Variants in PKP4 observed in about 807,000 individuals in gnomAD.
PKP4 encodes plakophilin 4.
In PKP4, 90 loss-of-function variants were observed where a neutral mutation model predicts 145.1. The ratio of observed to expected loss-of-function variants is 0.62; its 90% CI spans 0.52 to 0.74. PKP4 has a LOEUF of 0.74. Ranked by LOEUF, PKP4 falls within the 30% of genes least tolerant of loss-of-function variation. The pLI is 0.00. For synonymous variants in PKP4, 563 were observed against 577.2 expected, an observed-to-expected ratio of 0.98 and a Z score of 0.35; for missense variants, 1,340 against 1,482.7, an observed-to-expected ratio of 0.90 and a Z score of 1.58.
chr2:158,635,489 A>G (rs1249822746), intron 9 of PKP4, among the ~76,000 whole-genome samples: 1 of 152,200 alleles, frequency 6.6e-6, no homozygotes, highest in Non-Finnish European at 1.5e-5. Context: ...AGATGCAGAA[A>G]TTCCCAAAAG....
At chr2:158,557,984 C>A (rs1231588367) in intron 2 of PKP4, among the ~76,000 whole-genome samples, 1 of 152,114 alleles carries the variant, frequency 6.6e-6, no homozygotes, top group Non-Finnish European at 1.5e-5. Flanking sequence ...AGATCTAGGT[C>A]AAAGTTGTCG....
chr2:158,549,615 G>A (rs550318960), intron 2 of PKP4, among the ~76,000 whole-genome samples: 15 of 151,920 alleles, frequency 9.9e-5, no homozygotes, highest in Non-Finnish European at 2.1e-4. Context: ...TCAAAACAGA[G>A]AACTTTTTTT....
chr2:158,619,876 T>A (rs2052026988), intron 4 of PKP4, among the ~76,000 whole-genome samples: 1 of 152,154 alleles, frequency 6.6e-6, no homozygotes, highest in Non-Finnish European at 1.5e-5. Flanking sequence ...GGTAAATGGA[T>A]GCTACTTAGA....
In PKP4 at chr2:158,535,720, C is replaced by A. The variant is rs150328023; in HGVS notation, c.132+2404C>A. 3.3e-3 allele frequency among the ~76,000 whole-genome samples: 495 copies of A among 152,086 alleles called. 3 individuals are homozygous for A. The highest frequency in any genetic ancestry group is 0.012 in the African/African-American group (479 of 41,476). On this transcript the variant is annotated intron_variant, in intron 2 of 21. Coordinates refer to ENST00000389759, the MANE Select transcript of PKP4 (RefSeq NM_003628.6). ...ATAAGTGTGAGCCAGTGTACCTGGC[C>A]CATAATTATTATTTTTTTAAAAAGC...
At chr2:158,474,526 A>G (rs1692143956) in intron 1 of PKP4, among the ~76,000 whole-genome samples, 1 of 152,356 alleles carries the variant, frequency 6.6e-6, no homozygotes, top group African/African-American at 2.4e-5. Context: ...TGAGATTTTA[A>G]GTGAAGGCAA....
chr2:158,596,580 C>CAT (rs2049764498), intron 3 of PKP4, among the ~76,000 whole-genome samples: 1 of 151,236 alleles, frequency 6.6e-6, no homozygotes, highest in African/African-American at 2.4e-5. Flanking sequence ...CACAGTGGCT[C>CAT]ATGCCTGTAA....
At chr2:158,564,819 C>A (rs2046840981) in intron 2 of PKP4, among the ~76,000 whole-genome samples, 1 of 152,202 alleles carries the variant, frequency 6.6e-6, no homozygotes, top group Admixed American at 6.5e-5. Flanking sequence ...AACAGCAGTA[C>A]TTTTCCCATT....
chr2:158,635,646 T>G (rs989429857), intron 9 of PKP4, among the ~76,000 whole-genome samples: 2 of 152,184 alleles, frequency 1.3e-5, no homozygotes, highest in Non-Finnish European at 2.9e-5. Flanking sequence ...TAATGTGAGT[T>G]GATTCTCTAT....
intron 11 of PKP4, among the ~76,000 whole-genome samples, chr2:158,656,395 A>G (rs942157950): frequency 1.3e-5 from 2 of 152,172 alleles, no homozygotes; most frequent in East Asian, 1.9e-4. Context: ...GTACCCCAAG[A>G]TAATTATATA....
intron 6 of PKP4, 81 bp from the exon 7 acceptor site, chr2:158,624,797 G>C (rs550037589): frequency 9.5e-7 from 1 of 1,053,988 alleles, no homozygotes; most frequent in African/African-American, 1.6e-5. Flanking sequence ...TCTGTAGTGA[G>C]CTATGTGTAT....
intron 1 of PKP4, among the ~76,000 whole-genome samples, chr2:158,526,700 T>C (rs1365668468): frequency 3.4e-5 from 3 of 88,910 alleles, no homozygotes; most frequent in Non-Finnish European, 6.5e-5. Context: ...AAATTGTCCC[T>C]GTTTGCAGAC....
In PKP4 at chr2:158,532,293, C is replaced by T. The variant is rs1171479946; in HGVS notation, c.-5-887C>T. On this transcript the variant is annotated intron_variant, in intron 1 of 21. Coordinates refer to ENST00000389759, the MANE Select transcript of PKP4 (RefSeq NM_003628.6). ...ATCTAAACAGATAGGGTCTCTCGGG[C>T]ATCTTAAGCCTTGGCGGGATTTGCC... 2.6e-5 allele frequency among the ~76,000 whole-genome samples: 4 copies of T among 152,120 alleles called. No individual in the cohort carries two copies. In the East Asian group the frequency reaches 7.7e-4, roughly 29 times the overall value.
At chr2:158,598,734 A>G (rs1008747712) in intron 3 of PKP4, among the ~76,000 whole-genome samples, 9 of 152,168 alleles carry the variant, frequency 5.9e-5, no homozygotes, top group African/African-American at 2.2e-4. Context: ...GCGCCACTGC[A>G]CTCCAGCCTG....
chr2:158,629,821 TGCCTCA>T (rs2053179952), intron 7 of PKP4, among the ~76,000 whole-genome samples: 2 of 152,216 alleles, frequency 1.3e-5, no homozygotes, highest in Admixed American at 1.3e-4. Context: ...AGCAGTTCTG[TGCCTCA>T]GCCTCCCAGG....
Position 158,625,231 on chromosome 2 carries a change from G to T in PKP4, c.957G>T (p.Thr319=). 6.2e-7 allele frequency: 1 copy of T among 1,614,142 alleles called. No individual in the cohort carries two copies. Among genetic ancestry groups the T allele is most frequent in the Non-Finnish European group, 8.5e-7 (1 of 1,180,020 alleles). The change falls in exon 7 of 22, where the codon ACG becomes ACT. Residue 319 remains threonine, a synonymous_variant. Transcript: ENST00000389759. ...GAGTGGGGTCCCCACTGACCCTGAC[G>T]GATGCACAGACTCGAGTAGCTTCCC... ...TARVGSPLTL[T]DAQTRVASPS...
At chr2:158,629,636 A>G (rs1378190296) in intron 7 of PKP4, among the ~76,000 whole-genome samples, 1 of 152,162 alleles carries the variant, frequency 6.6e-6, no homozygotes. Flanking sequence ...CTCACTAACC[A>G]ACATGTAATT....
intron 2 of PKP4, among the ~76,000 whole-genome samples, chr2:158,559,334 A>G (rs1406895278): frequency 9.7e-6 from 1 of 102,914 alleles, no homozygotes; most frequent in African/African-American, 3.8e-5. Flanking sequence ...TCGGTGGTAG[A>G]CTGTGTTGTC....
intron 9 of PKP4, among the ~76,000 whole-genome samples, chr2:158,639,559 C>T (rs2054105257): frequency 1.3e-5 from 2 of 152,036 alleles, no homozygotes; most frequent in Admixed American, 6.6e-5. Flanking sequence ...CTAACTTTAT[C>T]CTGTAATCAG....
At chr2:158,475,317 A>G (rs1262916155) in intron 1 of PKP4, among the ~76,000 whole-genome samples, 1 of 152,194 alleles carries the variant, frequency 6.6e-6, no homozygotes, top group Admixed American at 6.5e-5. Flanking sequence ...TGTGGACTTT[A>G]AAAGTCATGA....
Sources: allele counts gnomAD v4.1 joint callset (sites outside exome capture counted in the v4.1 genomes callset), GRCh38; gene constraint gnomAD v4.1.1; transcripts MANE v1.5; gene names NCBI Gene and HGNC (gene_info 2026-07-23, HGNC 2026-07-21).